TAF2: variants seen among roughly 807,000 people sequenced by gnomAD.
The protein encoded by TAF2 is TATA-box binding protein associated factor 2.
A neutral mutation model predicts 138.5 loss-of-function variants in TAF2; 61 were observed. The observed-to-expected ratio is 0.44, with a 90% CI of 0.36 to 0.54. The LOEUF (loss-of-function observed/expected upper bound fraction) is 0.54, where lower values mean the gene tolerates loss of function less well. Among genes scored for constraint, TAF2 ranks in the 20% least tolerant of loss-of-function variants. The pLI is 0.00. For synonymous variants in TAF2, 475 were observed against 469.9 expected, an observed-to-expected ratio of 1.01 and a Z score of -0.14; for missense variants, 1,090 against 1,427.9, an observed-to-expected ratio of 0.76 and a Z score of 3.81.
At chr8:119,797,935 G>A in intron 6 of TAF2, 89 bp from the exon 7 acceptor site, 2 of 1,209,732 alleles carry the variant, frequency 1.7e-6, no homozygotes, top group Non-Finnish European at 2.4e-6. Context: ...ATAAATAAAT[G>A]TTCTCATAAA....
chr8:119,801,433 AC>A (rs201797104), intron 6 of TAF2, among the ~76,000 whole-genome samples: 15 of 144,966 alleles, frequency 1.0e-4, no homozygotes, highest in East Asian at 9.8e-4. Context: ...ATTAATATCT[AC>A]CTTTTTTTTT....
intron 25 of TAF2, among the ~76,000 whole-genome samples, chr8:119,734,580 C>T (rs924233266): frequency 6.6e-6 from 1 of 152,176 alleles, no homozygotes; most frequent in Non-Finnish European, 1.5e-5. Context: ...TTTCTAAATG[C>T]TATTCCCTAT....
At chr8:119,755,449 G>T (rs987100999) in intron 22 of TAF2, among the ~76,000 whole-genome samples, 1 of 151,838 alleles carries the variant, frequency 6.6e-6, no homozygotes, top group African/African-American at 2.4e-5. Flanking sequence ...GTGAGCCGAG[G>T]CCACACCACT....
chr8:119,744,333 A>C lies in TAF2; in HGVS notation c.3169T>G (p.Phe1057Val). The change falls in exon 24 of 26, where the codon TTC (phenylalanine) becomes GTC (valine). Residue 1057 changes from phenylalanine (F) to valine (V), a missense_variant. Transcript: ENST00000378164. ...AGCATGTTTAAATGATGGGAAATGA[A>C]GGCCTGGCTATCATGAACAGTATCC... is the stretch of plus-strand genomic sequence containing the variant. ...DMDTVHDSQA[F>V]ISHHLNMLER... is the part of the protein sequence containing the mutation. 6.2e-7 allele frequency: 1 copy of C among 1,613,852 alleles called. No homozygotes were observed.
At chr8:119,782,022 T>C (rs1822699873) in intron 16 of TAF2, among the ~76,000 whole-genome samples, 1 of 152,236 alleles carries the variant, frequency 6.6e-6, no homozygotes, top group Non-Finnish European at 1.5e-5. Context: ...AATTATTTTC[T>C]ACAAGTTAAT....
intron 2 of TAF2, among the ~76,000 whole-genome samples, chr8:119,825,981 C>T (rs1024553457): frequency 2.6e-5 from 4 of 151,916 alleles, no homozygotes; most frequent in Admixed American, 6.6e-5. Flanking sequence ...CGTGAGCCAC[C>T]GTGCCTGGCC....
intron 25 of TAF2, among the ~76,000 whole-genome samples, chr8:119,741,956 C>T (rs1819626535): frequency 6.6e-6 from 1 of 152,102 alleles, no homozygotes; most frequent in South Asian, 2.1e-4. Flanking sequence ...AAGCAGAAAA[C>T]AATGTGAAAC....
intron 2 of TAF2, among the ~76,000 whole-genome samples, chr8:119,826,292 A>T (rs1408276563): frequency 6.6e-5 from 10 of 151,774 alleles, no homozygotes; most frequent in Non-Finnish European, 1.3e-4. Flanking sequence ...CAAACAAACA[A>T]AAAAAACAGG....
At chr8:119,794,966 T>C (rs1157365412) in intron 9 of TAF2, among the ~76,000 whole-genome samples, 1 of 152,038 alleles carries the variant, frequency 6.6e-6, no homozygotes, top group Non-Finnish European at 1.5e-5. Flanking sequence ...ATGATTAAAA[T>C]GTTTATGTAT....
At chr8:119,826,275 C>A (rs1826094092) in intron 2 of TAF2, among the ~76,000 whole-genome samples, 2 of 149,232 alleles carry the variant, frequency 1.3e-5, no homozygotes, top group Non-Finnish European at 1.5e-5. Context: ...AAAAAAAAAA[C>A]AAGAAACAAA....
chr8:119,752,573 G>A (rs1334025777), intron 22 of TAF2, among the ~76,000 whole-genome samples: 6 of 152,122 alleles, frequency 3.9e-5, no homozygotes, highest in South Asian at 2.1e-4. Context: ...TTAACTGAAC[G>A]GCACATGAAT....
At chr8:119,815,642 G>A (rs967007854) in intron 3 of TAF2, among the ~76,000 whole-genome samples, 4 of 151,260 alleles carry the variant, frequency 2.6e-5, no homozygotes, top group Non-Finnish European at 5.9e-5. Context: ...AAACAAAGAG[G>A]AAAAAAAGCT....
intron 20 of TAF2, among the ~76,000 whole-genome samples, chr8:119,759,805 A>T (rs933157915): frequency 2.6e-5 from 4 of 152,140 alleles, no homozygotes; most frequent in African/African-American, 7.2e-5. Flanking sequence ...ATGAGCAACA[A>T]CTTTGGCAAA....
At chr8:119,748,396 T>C (rs1402258739) in intron 22 of TAF2, among the ~76,000 whole-genome samples, 1 of 150,588 alleles carries the variant, frequency 6.6e-6, no homozygotes, top group Non-Finnish European at 1.5e-5. Flanking sequence ...ATGGGAAAAA[T>C]TGTAAACTCA....
Position 119,789,458 on chromosome 8 carries a change from T to C in TAF2, c.1568+134A>G, listed in dbSNP as rs72688292. The C allele has an allele frequency of 1.1e-3, 1,168 of 1,093,182 alleles. 7 individuals are homozygous for C. Among genetic ancestry groups the C allele is most frequent in the South Asian group, 5.1e-3 (392 of 77,174 alleles). The allele number at this position is 1,093,182 out of a possible 1,614,324, so 67.7% of individuals were successfully genotyped here. On this transcript the variant is annotated intron_variant, in intron 12 of 25. Coordinates refer to ENST00000378164, the MANE Select transcript of TAF2 (RefSeq NM_003184.4). Reference sequence around the variant, plus strand: ...GAAACAATTCACAGTTCATCATTATTTCTACCATTGTTTAGAAATATAAAC... The same window carrying C: ...GAAACAATTCACAGTTCATCATTATCTCTACCATTGTTTAGAAATATAAAC...
intron 15 of TAF2, among the ~76,000 whole-genome samples, chr8:119,784,287 G>C (rs1822870200): frequency 6.6e-6 from 1 of 152,174 alleles, no homozygotes. Context: ...AGGTGCAATG[G>C]CTCATGTCTG....
intron 25 of TAF2, among the ~76,000 whole-genome samples, chr8:119,740,692 A>AG (rs1554637131): frequency 7.3e-6 from 1 of 137,586 alleles, no homozygotes; most frequent in Non-Finnish European, 1.5e-5. Context: ...AAAGAAAAGA[A>AG]AAGAAGAAGA....
chr8:119,762,845 G>A (rs1462519042), intron 18 of TAF2: 4 of 357,124 alleles, frequency 1.1e-5, no homozygotes, highest in Non-Finnish European at 2.0e-5. Context: ...GAAAATAGGA[G>A]GAAAGCATAA....
chr8:119,827,482 C>T (rs912283485), intron 2 of TAF2, among the ~76,000 whole-genome samples: 2 of 152,182 alleles, frequency 1.3e-5, no homozygotes, highest in African/African-American at 4.8e-5. Flanking sequence ...AAACCTGCTG[C>T]CCTTCCCTTC....
Sources: gnomAD v4.1 joint callset for allele counts (sites outside exome capture counted in the v4.1 genomes callset) on GRCh38, gnomAD v4.1.1 for gene constraint, MANE v1.5 for transcripts, NCBI Gene and HGNC (gene_info 2026-07-23, HGNC 2026-07-21) for gene names.